IMMP2L: variants seen among roughly 807,000 people sequenced by gnomAD.
IMMP2L encodes mitochondrial inner membrane protease subunit 2.
Under a neutral mutation model 19.3 loss-of-function variants are expected in IMMP2L, and 18 were observed. The observed-to-expected ratio is 0.93, with a 90% confidence interval of 0.64 to 1.38. The LOEUF (loss-of-function observed/expected upper bound fraction) is 1.38, where lower values mean the gene tolerates loss of function less well. IMMP2L is among the 40% of genes most tolerant of loss of function. The pLI is 0.00. For synonymous variants in IMMP2L, 76 were observed against 73.0 expected (o/e 1.04, Z -0.21); for missense variants, 233 against 218.2 (o/e 1.07, Z -0.43).
chr7:110,977,361 C>G (rs1040103155), intron 3 of IMMP2L, among the ~76,000 whole-genome samples: 2 of 151,856 alleles, frequency 1.3e-5, no homozygotes, highest in Non-Finnish European at 2.9e-5. Flanking sequence ...CTGCTGATCC[C>G]CAAATATTAC....
chr7:110,886,596 C>T lies in IMMP2L; in HGVS notation c.405G>A (p.Gly135=). ...AAGAAGATAAAAGATGACTTACCGGCCCAAAAGAATTACTGTCAAAACTGT... is the reference window on the plus strand; with the variant it reads ...AAGAAGATAAAAGATGACTTACCGGTCCAAAAGAATTACTGTCAAAACTGT... ...HGHSFDSNSF[G]PVSLGLLHAH... The change falls in exon 5 of 6, where the codon GGG becomes GGA. Residue 135 remains glycine, a synonymous_variant. Transcript: ENST00000405709. 1 of 1,570,472 alleles carries T rather than the reference C, an allele frequency of 6.4e-7. No homozygotes were observed. Among genetic ancestry groups the T allele is most frequent in the Non-Finnish European group, 8.8e-7 (1 of 1,140,654 alleles).
At chr7:110,697,115 C>G (rs1346465753) in intron 5 of IMMP2L, among the ~76,000 whole-genome samples, 6 of 152,110 alleles carry the variant, frequency 3.9e-5, no homozygotes, top group African/African-American at 1.2e-4. Context: ...CCAAATTAAC[C>G]TCAATTCCTT....
intron 3 of IMMP2L, among the ~76,000 whole-genome samples, chr7:111,058,467 A>C (rs1333180895): frequency 1.3e-5 from 2 of 152,242 alleles, no homozygotes; most frequent in Non-Finnish European, 2.9e-5. Context: ...TGTAGGACAC[A>C]GTCTATTCTC....
At chr7:111,018,232 G>A (rs1256037370) in intron 3 of IMMP2L, among the ~76,000 whole-genome samples, 2 of 152,066 alleles carry the variant, frequency 1.3e-5, no homozygotes, top group Non-Finnish European at 2.9e-5. Flanking sequence ...GCCACCCCAG[G>A]TGTTCATTAA....
intron 2 of IMMP2L, among the ~76,000 whole-genome samples, chr7:111,506,416 T>C (rs1563286402): frequency 6.6e-6 from 1 of 152,012 alleles, no homozygotes; most frequent in Non-Finnish European, 1.5e-5. Flanking sequence ...CTTCCTTCTT[T>C]TTTCTTTTTC....
intron 2 of IMMP2L, among the ~76,000 whole-genome samples, chr7:111,488,069 C>G (rs1409006965): frequency 6.6e-6 from 1 of 152,146 alleles, no homozygotes; most frequent in Non-Finnish European, 1.5e-5. Flanking sequence ...ACCAGCATAC[C>G]TGTCATTTGG....
At chr7:110,950,968 A>G (rs1414856119) in intron 4 of IMMP2L, among the ~76,000 whole-genome samples, 1 of 150,966 alleles carries the variant, frequency 6.6e-6, no homozygotes, top group African/African-American at 2.4e-5. Flanking sequence ...GAATCCTGTC[A>G]CATGCAACAA....
chr7:111,169,206 C>A (rs1806165903), intron 3 of IMMP2L, among the ~76,000 whole-genome samples: 1 of 151,860 alleles, frequency 6.6e-6, no homozygotes, highest in African/African-American at 2.4e-5. Flanking sequence ...TCCCAACCTC[C>A]TTGGACCCTC....
At chr7:111,008,498 C>T (rs1824547685) in intron 3 of IMMP2L, among the ~76,000 whole-genome samples, 1 of 151,916 alleles carries the variant, frequency 6.6e-6, no homozygotes, top group Non-Finnish European at 1.5e-5. Context: ...ATAAAAGAAA[C>T]TGTTCCTAGG....
chr7:110,980,631 A>G (rs1821202433), intron 3 of IMMP2L, among the ~76,000 whole-genome samples: 1 of 152,186 alleles, frequency 6.6e-6, no homozygotes, highest in South Asian at 2.1e-4. Context: ...GATACATGAA[A>G]TTATTTATAT....
At chr7:111,451,256 T>C (rs1839135778) in intron 3 of IMMP2L, among the ~76,000 whole-genome samples, 1 of 148,426 alleles carries the variant, frequency 6.7e-6, no homozygotes, top group East Asian at 1.9e-4. Context: ...TAAAGACACA[T>C]GCACACGTAT....
chr7:111,332,222 T>G (rs1043386428), intron 3 of IMMP2L, among the ~76,000 whole-genome samples: 10 of 151,400 alleles, frequency 6.6e-5, no homozygotes, highest in African/African-American at 1.7e-4. Context: ...AAATAAAACC[T>G]TCCTAGAAAA....
At chr7:111,504,594 A>C (rs1449169315) in intron 2 of IMMP2L, among the ~76,000 whole-genome samples, 1 of 152,142 alleles carries the variant, frequency 6.6e-6, no homozygotes, top group Admixed American at 6.5e-5. Context: ...ACAGTAACCA[A>C]AACAGCATGG....
At chr7:111,344,757 T>C (rs1827365254) in intron 3 of IMMP2L, among the ~76,000 whole-genome samples, 2 of 152,194 alleles carry the variant, frequency 1.3e-5, no homozygotes, top group African/African-American at 4.8e-5. Flanking sequence ...AAGTCATGTA[T>C]TAACATGTAT....
intron 3 of IMMP2L, among the ~76,000 whole-genome samples, chr7:111,152,049 G>C (rs968018739): frequency 2.0e-5 from 3 of 152,104 alleles, no homozygotes; most frequent in Admixed American, 6.6e-5. Flanking sequence ...CATAGATATT[G>C]ATGGAAATAC....
At chr7:110,683,541 C>T (rs543497403) in intron 5 of IMMP2L, among the ~76,000 whole-genome samples, 4 of 151,938 alleles carry the variant, frequency 2.6e-5, no homozygotes, top group East Asian at 1.9e-4. Flanking sequence ...AACTAATAAG[C>T]GAATTAAAGC....
intron 5 of IMMP2L, among the ~76,000 whole-genome samples, chr7:110,750,071 AGGATTACCT>A (rs1223548298): frequency 2.0e-5 from 3 of 152,106 alleles, no homozygotes; most frequent in African/African-American, 7.2e-5. Flanking sequence ...AAACACTGTA[AGGATTACCT>A]GGTTTAAGTT....
chr7:110,745,096 G>A (rs971260165), intron 5 of IMMP2L, among the ~76,000 whole-genome samples: 1 of 152,120 alleles, frequency 6.6e-6, no homozygotes, highest in African/African-American at 2.4e-5. Context: ...CGAGAATTTC[G>A]TGAAGCATAC....
chr7:111,037,956 C>T (rs1268315946), intron 3 of IMMP2L, among the ~76,000 whole-genome samples: 1 of 152,120 alleles, frequency 6.6e-6, no homozygotes, highest in Non-Finnish European at 1.5e-5. Flanking sequence ...TTAAAGTTCT[C>T]ATCCTATCTG....
Sources: gnomAD v4.1 joint callset for allele counts (sites outside exome capture counted in the v4.1 genomes callset) on GRCh38, gnomAD v4.1.1 for gene constraint, MANE v1.5 for transcripts, NCBI Gene and HGNC (gene_info 2026-07-23, HGNC 2026-07-21) for gene names.